STARD9: variants seen among roughly 807,000 people sequenced by gnomAD.
STARD9 encodes the protein stAR-related lipid transfer protein 9.
In STARD9, 346 loss-of-function variants were observed where a neutral mutation model predicts 399.8. The ratio of observed to expected loss-of-function variants is 0.87; its 90% CI spans 0.79 to 0.95. The LOEUF is 0.95. Among genes scored for constraint, STARD9 ranks in the 40% least tolerant of loss-of-function variants. The probability of loss-of-function intolerance (pLI) is 0.00; values close to 1 mark genes in which losing one functional copy is unlikely to be tolerated. For missense variants in STARD9, 5,832 were observed against 5,667.5 expected (o/e 1.03, Z -0.93); for synonymous variants, 2,203 against 2,143.5 (o/e 1.03, Z -0.77).
intron 10 of STARD9, among the ~76,000 whole-genome samples, chr15:42,662,508 A>C (rs1261553973): frequency 6.6e-6 from 1 of 152,358 alleles, no homozygotes; most frequent in Middle Eastern, 3.4e-3. Flanking sequence ...AGCCGTGCTA[A>C]TATCATTACT....
chr15:42,637,903 C>A lies in STARD9; in HGVS notation c.352-4C>A. Reference sequence around the variant, plus strand: ...ATAATGCTTTCCTTTCTTCTGTTCACCAGGCCTCTGTTGGGTTGACACCAC... The same window carrying A: ...ATAATGCTTTCCTTTCTTCTGTTCAACAGGCCTCTGTTGGGTTGACACCAC... On this transcript the variant is annotated splice_polypyrimidine_tract_variant and splice_region_variant and intron_variant, in intron 4 of 32. Transcript: ENST00000290607. 6.5e-7 allele frequency: 1 copy of A among 1,537,206 alleles called. No homozygotes were observed. The highest frequency in any genetic ancestry group is 8.7e-7 in the Non-Finnish European group (1 of 1,146,876).
At chr15:42,622,064 A>G (rs1791484397) in intron 3 of STARD9, among the ~76,000 whole-genome samples, 1 of 152,086 alleles carries the variant, frequency 6.6e-6, no homozygotes, top group Admixed American at 6.6e-5. Flanking sequence ...TTGACTCTAC[A>G]TTAAAGGAAA....
At position 42,693,775 on chromosome 15, in the gene STARD9, C is replaced by T. The variant is rs771918011; in HGVS notation, c.12197C>T (p.Pro4066Leu). The T allele has an allele frequency of 2.6e-6, 4 of 1,536,326 alleles. No homozygotes were observed. In the South Asian group the frequency reaches 4.8e-5, roughly 18 times the overall value. The change falls in exon 23 of 33, where the codon CCA becomes CTA. Residue 4066 changes from proline to leucine, a missense_variant. Physicochemically the swap from Pro to Leu is moderately conservative, Grantham distance 98 (BLOSUM62 -3). This residue lies in a region of STARD9 where 5,828 missense variants were observed against 5,651.1 expected (regional missense o/e 1.03). Transcript: ENST00000290607. Reference protein sequence around the residue: ...TENGGESSASPGEPQRTLDRP... With the variant: ...TENGGESSASLGEPQRTLDRP... Reference sequence around the variant, plus strand: ...AATGGAGGTGAGAGTTCAGCATCTCCAGGGGAACCACAACGCACTCTGGAC... The same window carrying T: ...AATGGAGGTGAGAGTTCAGCATCTCTAGGGGAACCACAACGCACTCTGGAC...
In STARD9 at chr15:42,665,289, G is replaced by C. The variant is rs2060073573; in HGVS notation, c.1213G>C (p.Glu405Gln). The C allele has an allele frequency of 6.5e-7, 1 of 1,537,024 alleles. No individual in the cohort carries two copies. Among genetic ancestry groups the C allele is most frequent in the African/African-American group, 1.4e-5 (1 of 73,040 alleles). ...NLKLIRELRE[E>Q]IERLKALLLS... The stretch of plus-strand genomic sequence containing the variant: ...AAAACTGATTAGAGAACTCAGAGAA[G>C]AGATTGAAAGACTGAAAGCCCTGCT... The change falls in exon 14 of 33, where the codon GAG becomes CAG. Residue 405 changes from glutamate to glutamine, a missense_variant. By Grantham distance (29) the Glu-to-Gln change is conservative. This residue lies in a region of STARD9 where 5,828 missense variants were observed against 5,651.1 expected (regional missense o/e 1.03). Transcript: ENST00000290607.
chr15:42,665,148 A>C (rs2060069797), intron 13 of STARD9, 105 bp from the exon 14 acceptor site: 1 of 824,246 alleles, frequency 1.2e-6, no homozygotes, highest in Non-Finnish European at 2.0e-6. Flanking sequence ...TGTAGAGACT[A>C]CTCCAAAGGA....
intron 14 of STARD9, 122 bp downstream of exon 14, chr15:42,665,452 A>G (rs1258267023): frequency 1.3e-6 from 1 of 777,096 alleles, no homozygotes; most frequent in East Asian, 2.7e-5. Context: ...CTTACGGCAG[A>G]GACAGGAGCA....
Position 42,709,052 on chromosome 15 carries a change from G to C in STARD9, c.13285-7625G>C, listed in dbSNP as rs148324966. The stretch of plus-strand genomic sequence containing the variant: ...CTGGTGATGTGAACTTTGATGTTAA[G>C]GTGGTGGTTGGGGGTCTCTCCACTG... On this transcript the variant is annotated intron_variant, in intron 26 of 32. Coordinates refer to ENST00000290607, the MANE Select transcript of STARD9 (RefSeq NM_020759.3). 2.4e-4 allele frequency among the ~76,000 whole-genome samples: 36 copies of C among 152,224 alleles called. 1 individual carries two copies. In the East Asian group the frequency reaches 6.8e-3, roughly 29 times the overall value.
chr15:42,632,297 C>A (rs1402557944), intron 3 of STARD9, among the ~76,000 whole-genome samples: 1 of 152,062 alleles, frequency 6.6e-6, no homozygotes, highest in East Asian at 1.9e-4. Flanking sequence ...ATCTTTTTCT[C>A]TCCCTTTGTT....
chr15:42,584,901 T>C (rs2058244523), intron 2 of STARD9, among the ~76,000 whole-genome samples: 2 of 152,180 alleles, frequency 1.3e-5, no homozygotes, highest in African/African-American at 4.8e-5. Context: ...AAATTTGAAA[T>C]CTGAAATCCT....
Position 42,719,809 on chromosome 15 carries a change from C to A in STARD9, c.*235C>A. 1 of 503,906 alleles carries A rather than the reference C, an allele frequency of 2.0e-6. No homozygotes were observed. The highest frequency in any genetic ancestry group is 3.5e-6 in the Non-Finnish European group (1 of 283,584). 31.2% of individuals were successfully genotyped at this position (503,906 alleles called of 1,614,324 possible). A position where few individuals can be genotyped will look rare whatever the true frequency, so the allele number is the denominator to read the frequency against. On this transcript the variant is annotated 3_prime_UTR_variant, in exon 33 of 33. Transcript: ENST00000290607. ...GCCTGAGCTCCTGGCCCAGACTATC[C>A]AGAGTGAATGCAGCTCCGCTCACCT...
chr15:42,602,930 T>C (rs984165039), intron 3 of STARD9, among the ~76,000 whole-genome samples: 2 of 152,208 alleles, frequency 1.3e-5, no homozygotes, highest in Non-Finnish European at 2.9e-5. Context: ...TTCTGGGAAG[T>C]TGGCGTGAGA....
At chr15:42,590,303 A>T (rs1470318885) in intron 3 of STARD9, among the ~76,000 whole-genome samples, 1 of 152,132 alleles carries the variant, frequency 6.6e-6, no homozygotes, top group Non-Finnish European at 1.5e-5. Context: ...TCCCAGAAGG[A>T]ATCTCATGAC....
chr15:42,674,959 C>G lies in STARD9; in HGVS notation c.1682C>G (p.Thr561Ser). The G allele has an allele frequency of 5.2e-6, 8 of 1,533,270 alleles. No homozygotes were observed. The highest frequency in any genetic ancestry group is 4.1e-5 in the African/African-American group (3 of 73,122). 95.0% of individuals were successfully genotyped at this position (1,533,270 alleles called of 1,614,324 possible). A position where few individuals can be genotyped will look rare whatever the true frequency, so the allele number is the denominator to read the frequency against. Residue 561 changes from threonine to serine, a missense_variant, in exon 18 of 33, where the codon ACT (threonine) becomes AGT (serine). Coordinates refer to ENST00000290607, the MANE Select transcript of STARD9 (RefSeq NM_020759.3). The stretch of plus-strand genomic sequence containing the variant: ...GAGGTCACTGCCTCCTGCCGTCTGA[C>G]TCAAGGTAGGACTGTCTGTAGCCCT... Reference protein sequence around the residue: ...GREVTASCRLTQGAVITLGKA... With the variant: ...GREVTASCRLSQGAVITLGKA...
chr15:42,601,403 C>T (rs2058622886), intron 3 of STARD9, among the ~76,000 whole-genome samples: 1 of 151,894 alleles, frequency 6.6e-6, no homozygotes, highest in South Asian at 2.1e-4. Context: ...GGGGTGGCGG[C>T]CGGGCAGAGG....
Position 42,689,532 on chromosome 15 carries a change from A to G in STARD9, c.7954A>G (p.Asn2652Asp). 2 of 1,537,266 alleles carry G rather than the reference A, an allele frequency of 1.3e-6. No homozygotes were observed. Among genetic ancestry groups the G allele is most frequent in the African/African-American group, 1.4e-5 (1 of 73,166 alleles). Residue 2652 changes from asparagine to aspartate, a missense_variant, in exon 23 of 33, where the codon AAT (asparagine) becomes GAT (aspartate). Asn to Asp is a conservative substitution (Grantham distance 23, BLOSUM62 1). Around this residue, in one of 2 missense-constraint regions of STARD9, gnomAD observed 5,828 missense variants for 5,651.1 expected, o/e 1.03. Transcript: ENST00000290607. The stretch of plus-strand genomic sequence containing the variant: ...TGCAGACAGCTTTGAATCTCTGCCC[A>G]ATACGGAAACTGACAGAGAGCCATG... The part of the protein sequence containing the change: ...LSADSFESLP[N>D]TETDREPWDP...
At chr15:42,673,539 C>T (rs750689704) in intron 16 of STARD9, among the ~76,000 whole-genome samples, 1 of 152,150 alleles carries the variant, frequency 6.6e-6, no homozygotes, top group African/African-American at 2.4e-5. Context: ...GTGGGTTTCT[C>T]AGGCAGTTTA....
At chr15:42,618,457 T>C (rs572573016) in intron 3 of STARD9, among the ~76,000 whole-genome samples, 67 of 152,312 alleles carry the variant, frequency 4.4e-4, no homozygotes, top group African/African-American at 1.6e-3. Flanking sequence ...TTTGTGTTGA[T>C]TTTGTTAATT....
chr15:42,603,756 T>A (rs376146073), intron 3 of STARD9, among the ~76,000 whole-genome samples: 4 of 152,084 alleles, frequency 2.6e-5, no homozygotes, highest in African/African-American at 9.7e-5. Flanking sequence ...GAGTCAGTTA[T>A]TGGGTGGGAG....
rs1007690169 is a variant in STARD9, at chr15:42,601,740, G to T, written c.234+16103G>T. Among the ~76,000 whole-genome samples, 38 of 152,232 alleles carry T rather than the reference G, an allele frequency of 2.5e-4. 1 individual carries two copies. The highest frequency in any genetic ancestry group is 1.3e-4 in the Non-Finnish European group (9 of 68,044). On this transcript the variant is annotated intron_variant, in intron 3 of 32. Transcript: ENST00000290607. ...CTATCAGTGCAAAGATGGACAGTGT[G>T]TTTGATTTATATTCCACAAACCCTA...
Sources: gnomAD v4.1 joint callset for allele counts (sites outside exome capture counted in the v4.1 genomes callset) on GRCh38, gnomAD v4.1.1 for gene constraint, gnomAD v4.1.1 regional missense constraint, MANE v1.5 for transcripts, NCBI Gene and HGNC (gene_info 2026-07-23, HGNC 2026-07-21) for gene names.